The following RIMS2 variants were observed in gnomAD, a reference collection of about 807,000 sequenced individuals.
The protein encoded by RIMS2 is regulating synaptic membrane exocytosis protein 2.
Under a neutral mutation model 174.4 loss-of-function variants are expected in RIMS2, and 59 were observed. The observed-to-expected ratio is 0.34, with a 90% CI of 0.27 to 0.42. The LOEUF (loss-of-function observed/expected upper bound fraction) is 0.42, where lower values mean the gene tolerates loss of function less well. Among genes scored for constraint, RIMS2 ranks in the 10% least tolerant of loss-of-function variants. RIMS2 has a pLI of 1.00. For missense variants in RIMS2, 1,620 were observed against 1,666.3 expected (o/e 0.97, Z 0.48); for synonymous variants, 606 against 572.5 (o/e 1.06, Z -0.84).
intron 19 of RIMS2, among the ~76,000 whole-genome samples, chr8:104,024,466 T>TA (rs2096200394): frequency 6.6e-6 from 1 of 152,328 alleles, no homozygotes; most frequent in South Asian, 2.1e-4. Flanking sequence ...CATGTGTTGA[T>TA]ATACCATGCC....
chr8:103,694,637 G>T (rs903812450), intron 1 of RIMS2, among the ~76,000 whole-genome samples: 3 of 152,034 alleles, frequency 2.0e-5, no homozygotes, highest in Non-Finnish European at 2.9e-5. Context: ...TGGAGGCTTG[G>T]TCTGCAGATA....
chr8:103,758,319 G>A (rs370740039), intron 2 of RIMS2, among the ~76,000 whole-genome samples: 1 of 152,124 alleles, frequency 6.6e-6, no homozygotes, highest in African/African-American at 2.4e-5. Context: ...TTGGTATTGA[G>A]TGATATTGCA....
intron 14 of RIMS2, among the ~76,000 whole-genome samples, chr8:103,948,643 G>A (rs887330784): frequency 2.6e-5 from 4 of 152,144 alleles, no homozygotes; most frequent in Non-Finnish European, 4.4e-5. Flanking sequence ...TATTGAGACA[G>A]ATTAAGTTAG....
intron 19 of RIMS2, among the ~76,000 whole-genome samples, chr8:104,188,154 T>C (rs181898545): frequency 3.0e-4 from 46 of 151,674 alleles, no homozygotes; most frequent in Admixed American, 5.3e-4. Context: ...AGAGTTCAGC[T>C]TGAGGGCCAC....
At chr8:103,953,016 G>T (rs1047260929) in intron 14 of RIMS2, among the ~76,000 whole-genome samples, 19 of 152,252 alleles carry the variant, frequency 1.2e-4, no homozygotes, top group African/African-American at 4.6e-4. Context: ...GGATATCAGA[G>T]ATTGAAGATC....
At chr8:103,817,856 C>T (rs2098727618) in intron 3 of RIMS2, among the ~76,000 whole-genome samples, 1 of 152,026 alleles carries the variant, frequency 6.6e-6, no homozygotes, top group Admixed American at 6.6e-5. Flanking sequence ...GGCATTAGCA[C>T]ATACAGTGTT....
At chr8:103,568,970 G>T in intron 1 of RIMS2, 1 of 637,666 alleles carries the variant, frequency 1.6e-6, no homozygotes, top group South Asian at 1.6e-5. Context: ...ACAGCTGCAT[G>T]AGCTGATCAC....
chr8:103,663,046 T>A (rs1290134683), intron 1 of RIMS2, among the ~76,000 whole-genome samples: 1 of 151,990 alleles, frequency 6.6e-6, no homozygotes, highest in African/African-American at 2.4e-5. Flanking sequence ...GGCACGTAAC[T>A]GTAATCCAGC....
intron 17 of RIMS2, among the ~76,000 whole-genome samples, chr8:103,996,572 C>A: frequency 6.6e-6 from 1 of 151,928 alleles, no homozygotes; most frequent in Non-Finnish European, 1.5e-5. Context: ...GGGAAAATCA[C>A]TGCCTCTCTA....
At chr8:103,598,588 T>G (rs994175477) in intron 1 of RIMS2, among the ~76,000 whole-genome samples, 2 of 152,142 alleles carry the variant, frequency 1.3e-5, no homozygotes, top group Non-Finnish European at 2.9e-5. Flanking sequence ...TAACAAGTAG[T>G]GTTAGAAGCA....
At chr8:103,933,875 A>G (rs1312553526) in intron 12 of RIMS2, among the ~76,000 whole-genome samples, 3 of 152,158 alleles carry the variant, frequency 2.0e-5, no homozygotes, top group African/African-American at 7.2e-5. Context: ...TTTTTTTGAA[A>G]GAAATACTTG....
At chr8:104,213,068 T>A (rs1235147086) in intron 19 of RIMS2, among the ~76,000 whole-genome samples, 2 of 152,154 alleles carry the variant, frequency 1.3e-5, no homozygotes, top group Non-Finnish European at 2.9e-5. Flanking sequence ...AACCCTGTAA[T>A]CCCAGCACTT....
intron 1 of RIMS2, among the ~76,000 whole-genome samples, chr8:103,692,014 T>C (rs879621244): frequency 2.0e-5 from 3 of 152,198 alleles, no homozygotes; most frequent in Non-Finnish European, 4.4e-5. Flanking sequence ...GCAGAGACTC[T>C]TGTTCTCTTT....
At chr8:103,754,286 C>T (rs2097944009) in intron 2 of RIMS2, among the ~76,000 whole-genome samples, 2 of 152,168 alleles carry the variant, frequency 1.3e-5, no homozygotes, top group Non-Finnish European at 2.9e-5. Context: ...GCACTGTGGT[C>T]TGAGCGACAG....
At chr8:104,130,342 A>G (rs1463011812) in intron 19 of RIMS2, among the ~76,000 whole-genome samples, 3 of 152,226 alleles carry the variant, frequency 2.0e-5, no homozygotes, top group African/African-American at 7.2e-5. Context: ...ACCGCTGCCC[A>G]GATTCCAGCT....
At chr8:103,927,922 G>A in intron 11 of RIMS2, 3 of 1,585,842 alleles carry the variant, frequency 1.9e-6, no homozygotes, top group Non-Finnish European at 1.7e-6. Context: ...AGAAACTAAA[G>A]TTGTGTTTAA....
rs983626675 is a variant in RIMS2 at position 103,665,791 on chromosome 8, A to G, written c.177-31295A>G. ...GCTTTCATACTTTGCATGTGAAAAA[A>G]TGTAAGCCTGAAATTTATTCTTCAT... On this transcript the variant is annotated intron_variant, in intron 1 of 23. Coordinates refer to ENST00000504942, the Ensembl canonical transcript of RIMS2. 2.6e-5 allele frequency among the ~76,000 whole-genome samples: 4 copies of G among 152,076 alleles called. No individual in the cohort carries two copies. In the East Asian group the frequency reaches 7.7e-4, roughly 29 times the overall value.
chr8:103,910,253 C>T (rs189508504), intron 5 of RIMS2, 68 bp from the exon 8 acceptor site: 8 of 1,518,794 alleles, frequency 5.3e-6, no homozygotes, highest in Non-Finnish European at 7.2e-6. Flanking sequence ...TTCACTTTTC[C>T]TTTTTTATTT....
At chr8:104,018,795 A>G (rs1196017043) in intron 19 of RIMS2, among the ~76,000 whole-genome samples, 7 of 152,014 alleles carry the variant, frequency 4.6e-5, no homozygotes, top group Non-Finnish European at 1.0e-4. Flanking sequence ...TTTCCATTAT[A>G]TTTTTTTCCT....
Sources: gnomAD v4.1 joint callset for allele counts (sites outside exome capture counted in the v4.1 genomes callset) on GRCh38, gnomAD v4.1.1 for gene constraint, MANE v1.5 for transcripts, NCBI Gene and HGNC (gene_info 2026-07-23, HGNC 2026-07-21) for gene names.